The following NALF1 variants were observed in gnomAD, a reference collection of about 807,000 sequenced individuals.
NALF1 encodes the protein family with sequence similarity 155 member A.
Under a neutral mutation model 48.4 loss-of-function variants are expected in NALF1, and 3 were observed. The ratio of observed to expected loss-of-function variants is 0.06; its 90% confidence interval spans 0.03 to 0.16. The LOEUF is 0.16. Among genes scored for constraint, NALF1 ranks in the 10% least tolerant of loss-of-function variants. The pLI is 1.00. For missense variants in NALF1, 526 were observed against 571.5 expected (o/e 0.92, Z 0.81); for synonymous variants, 262 against 245.7 (o/e 1.07, Z -0.62).
At chr13:107,221,352 TGGAGCACCTGAGCTCA>T (rs893796039) in intron 1 of NALF1, among the ~76,000 whole-genome samples, 1 of 152,068 alleles carries the variant, frequency 6.6e-6, no homozygotes, top group African/African-American at 2.4e-5. Context: ...CCGAGGTGGG[TGGAGCACCTGAGCTCA>T]GGAGTTCAAG....
intron 1 of NALF1, among the ~76,000 whole-genome samples, chr13:107,695,115 T>G (rs1157569701): frequency 3.3e-5 from 5 of 152,240 alleles, no homozygotes; most frequent in South Asian, 4.1e-4. Context: ...TGATTATAGG[T>G]TCTACTCCTC....
In NALF1 at chr13:107,469,945, G is replaced by A. The variant is rs376526753; in HGVS notation, c.916-259190C>T. ...TTTTTAGTAGAGACGGGGTTTCACCGTGTTAGCCAGGATGGTCTCGATCTC... is the reference window on the plus strand; with the variant it reads ...TTTTTAGTAGAGACGGGGTTTCACCATGTTAGCCAGGATGGTCTCGATCTC... On this transcript the variant is annotated intron_variant, in intron 1 of 2. Transcript: ENST00000375915. Among the ~76,000 whole-genome samples, 11 of 151,330 alleles carry A rather than the reference G, an allele frequency of 7.3e-5. No homozygotes were observed. The South Asian group carries it at 8.4e-4, about 12-fold the overall frequency.
At chr13:107,343,911 C>T (rs1026340779) in intron 1 of NALF1, among the ~76,000 whole-genome samples, 30 of 151,946 alleles carry the variant, frequency 2.0e-4, no homozygotes, top group African/African-American at 7.0e-4. Context: ...AAATTAAACA[C>T]AGAGTTTTTT....
intron 1 of NALF1, among the ~76,000 whole-genome samples, chr13:107,831,650 G>C (rs1426984931): frequency 6.6e-6 from 1 of 152,130 alleles, no homozygotes; most frequent in African/African-American, 2.4e-5. Flanking sequence ...TCTGAGAAAG[G>C]TGATTATATA....
chr13:107,228,631 T>A (rs1880156509), intron 1 of NALF1, among the ~76,000 whole-genome samples: 1 of 152,108 alleles, frequency 6.6e-6, no homozygotes, highest in South Asian at 2.1e-4. Flanking sequence ...GGTAATTCTT[T>A]TTTTTGGAGA....
intron 1 of NALF1, among the ~76,000 whole-genome samples, chr13:107,524,808 C>A (rs1193520605): frequency 1.3e-5 from 2 of 152,054 alleles, no homozygotes; most frequent in Non-Finnish European, 1.5e-5. Flanking sequence ...AATGTTGACT[C>A]TCAGCTAAAT....
At chr13:107,524,808 C>T (rs1193520605) in intron 1 of NALF1, among the ~76,000 whole-genome samples, 1 of 152,054 alleles carries the variant, frequency 6.6e-6, no homozygotes, top group Non-Finnish European at 1.5e-5. Flanking sequence ...AATGTTGACT[C>T]TCAGCTAAAT....
rs1210526465 is a variant in NALF1, at chr13:107,464,013, C to A, written c.916-253258G>T. ...GGGCTATCCACATTGGAACAGAAAACCTACTAGTTAGGTGTAGAATAGTAA... is the reference window on the plus strand; with the variant it reads ...GGGCTATCCACATTGGAACAGAAAAACTACTAGTTAGGTGTAGAATAGTAA... On this transcript the variant is annotated intron_variant, in intron 1 of 2. Transcript: ENST00000375915. Among the ~76,000 whole-genome samples, 13 of 152,010 alleles carry A rather than the reference C, an allele frequency of 8.6e-5. No homozygotes were observed. The East Asian group carries it at 1.7e-3, about 20-fold the overall frequency.
At chr13:107,464,920 A>G (rs1566353337) in intron 1 of NALF1, among the ~76,000 whole-genome samples, 1 of 152,204 alleles carries the variant, frequency 6.6e-6, no homozygotes, top group Admixed American at 6.5e-5. Context: ...AGTAAATAAA[A>G]TAAGTATTAC....
chr13:107,251,074 G>C (rs796564584), intron 1 of NALF1, among the ~76,000 whole-genome samples: 17 of 152,288 alleles, frequency 1.1e-4, no homozygotes, highest in African/African-American at 4.1e-4. Flanking sequence ...TGTGAGAACA[G>C]ACTAATATAC....
chr13:107,613,395 G>A (rs952673262), intron 1 of NALF1, among the ~76,000 whole-genome samples: 12 of 152,170 alleles, frequency 7.9e-5, no homozygotes, highest in African/African-American at 2.7e-4. Flanking sequence ...AGGCCAACTG[G>A]GGAATGCCTT....
intron 1 of NALF1, among the ~76,000 whole-genome samples, chr13:107,327,555 T>C (rs924957810): frequency 6.6e-6 from 1 of 152,224 alleles, no homozygotes; most frequent in Non-Finnish European, 1.5e-5. Context: ...TGTCACTGAG[T>C]GTCCTAGATA....
chr13:107,819,064 G>T (rs370560111), intron 1 of NALF1, among the ~76,000 whole-genome samples: 1 of 152,108 alleles, frequency 6.6e-6, no homozygotes, highest in South Asian at 2.1e-4. Context: ...TCTTACAGAT[G>T]CATACTCCCA....
chr13:107,626,552 G>A (rs1879678942), intron 1 of NALF1, among the ~76,000 whole-genome samples: 1 of 152,126 alleles, frequency 6.6e-6, no homozygotes, highest in Non-Finnish European at 1.5e-5. Context: ...TGATGAGAAT[G>A]TGTAAATATA....
intron 1 of NALF1, among the ~76,000 whole-genome samples, chr13:107,396,502 T>C (rs190533676): frequency 6.6e-6 from 1 of 152,262 alleles, no homozygotes; most frequent in African/African-American, 2.4e-5. Flanking sequence ...CAACATCCCA[T>C]TCTGATATTT....
At chr13:107,544,828 T>C (rs553648545) in intron 1 of NALF1, among the ~76,000 whole-genome samples, 6 of 152,246 alleles carry the variant, frequency 3.9e-5, no homozygotes, top group African/African-American at 1.4e-4. Context: ...GATTCATTCA[T>C]AAAATATTTG....
At chr13:107,592,744 G>T (rs1878632615) in intron 1 of NALF1, among the ~76,000 whole-genome samples, 1 of 151,750 alleles carries the variant, frequency 6.6e-6, no homozygotes, top group Admixed American at 6.6e-5. Flanking sequence ...GGTCCAAACA[G>T]ATCATTCATA....
intron 1 of NALF1, among the ~76,000 whole-genome samples, chr13:107,535,810 T>C (rs559077477): frequency 1.2e-4 from 19 of 152,292 alleles, no homozygotes; most frequent in African/African-American, 3.8e-4. Context: ...GGCATCATGC[T>C]ACCTCACTTC....
chr13:107,206,967 G>A (rs1283412859), intron 2 of NALF1, among the ~76,000 whole-genome samples: 1 of 152,132 alleles, frequency 6.6e-6, no homozygotes, highest in Non-Finnish European at 1.5e-5. Context: ...TAAATCTGTT[G>A]AATTTGAAGG....
Sources: gnomAD v4.1 joint callset for allele counts (sites outside exome capture counted in the v4.1 genomes callset) on GRCh38, gnomAD v4.1.1 for gene constraint, MANE v1.5 for transcripts, NCBI Gene and HGNC (gene_info 2026-07-23, HGNC 2026-07-21) for gene names.